The following ARHGEF25 variants were observed in gnomAD, a reference collection of about 807,000 sequenced individuals.
The protein encoded by ARHGEF25 is Rho guanine nucleotide exchange factor 25.
In ARHGEF25, 42 loss-of-function variants were observed where a neutral mutation model predicts 74.0. The ratio of observed to expected loss-of-function variants is 0.57; its 90% CI spans 0.44 to 0.73. ARHGEF25 has a LOEUF of 0.73. Ranked by LOEUF, ARHGEF25 falls within the 30% of genes least tolerant of loss-of-function variation. ARHGEF25 has a pLI of 0.00. For missense variants in ARHGEF25, 645 were observed against 725.5 expected (o/e 0.89, Z 1.27); for synonymous variants, 293 against 278.6 (o/e 1.05, Z -0.51).
Position 57,614,218 on chromosome 12 carries a change from G to C in ARHGEF25, c.656+99G>C. 1 of 1,582,922 alleles carries C rather than the reference G, an allele frequency of 6.3e-7. No individual in the cohort carries two copies. The highest frequency in any genetic ancestry group is 8.7e-7 in the Non-Finnish European group (1 of 1,152,734). The stretch of plus-strand genomic sequence containing the variant: ...CCCATTGCGACTTAAGGAATGTTTG[G>C]AGAAGTTTTGTAGGGCACACTACCA... On this transcript the variant is annotated intron_variant, in intron 6 of 14. Coordinates refer to ENST00000286494, the MANE Select transcript of ARHGEF25 (RefSeq NM_182947.4). The surrounding 1 kb of genome is among the most constrained non-coding windows in gnomAD (Gnocchi z 4.6).
In ARHGEF25 at chr12:57,611,534, A is replaced by G; in HGVS notation, c.-361A>G. Reference sequence around the variant, plus strand: ...CGGGCCTAGAGCCACCCCTAACCAGAGGCCGGAGACAGCTGGAGCGGCTGC... The same window carrying G: ...CGGGCCTAGAGCCACCCCTAACCAGGGGCCGGAGACAGCTGGAGCGGCTGC... On this transcript the variant is annotated 5_prime_UTR_variant, in exon 1 of 15. Transcript: ENST00000286494. The surrounding 1 kb of genome is among the most constrained non-coding windows in gnomAD (Gnocchi z 4.5). 2.0e-6 allele frequency: 2 copies of G among 987,736 alleles called. No homozygotes were observed. Among genetic ancestry groups the G allele is most frequent in the Non-Finnish European group, 2.4e-6 (2 of 831,926 alleles). 61.2% of individuals were successfully genotyped at this position (987,736 alleles called of 1,614,324 possible).
upstream of ARHGEF25, chr12:57,610,314 G>A: frequency 2.0e-6 from 3 of 1,519,260 alleles, no homozygotes; most frequent in South Asian, 1.2e-5. Flanking sequence ...GGGCAGGAGG[G>A]GGTAAGAATG....
At position 57,614,800 on chromosome 12, in the gene ARHGEF25, C is replaced by G. The variant is rs368309827; in HGVS notation, c.909+19C>G. On this transcript the variant is annotated intron_variant, in intron 9 of 14. Coordinates refer to ENST00000286494, the MANE Select transcript of ARHGEF25 (RefSeq NM_182947.4). The surrounding 1 kb of genome is among the most constrained non-coding windows in gnomAD (Gnocchi z 4.6). ...GCTCAAGGTCAGGACCCCCTTTTTCCTGGGGGCACAGCTGGCTGGCACAGC... is the reference window on the plus strand; with the variant it reads ...GCTCAAGGTCAGGACCCCCTTTTTCGTGGGGGCACAGCTGGCTGGCACAGC... 2,188 of 1,598,002 alleles carry G rather than the reference C, an allele frequency of 1.4e-3. 4 individuals are homozygous for G. The highest frequency in any genetic ancestry group is 1.7e-3 in the Non-Finnish European group (2,025 of 1,171,760).
intron 11 of ARHGEF25, 79 bp downstream of exon 11, chr12:57,615,393 G>A: frequency 3.2e-6 from 5 of 1,581,732 alleles, no homozygotes; most frequent in South Asian, 1.2e-5. Flanking sequence ...CTTATGGGGA[G>A]TTGTCTTCTC....
At chr12:57,616,130 C>T (rs1884276455) in intron 13 of ARHGEF25, 113 bp downstream of exon 13, 5 of 1,476,646 alleles carry the variant, frequency 3.4e-6, no homozygotes, top group Non-Finnish European at 4.6e-6. Context: ...TCCCCTTTTC[C>T]ACTGCTAGCT....
At position 57,616,342 on chromosome 12, in the gene ARHGEF25, G is replaced by T. The variant is rs745474842; in HGVS notation, c.1479G>T (p.Arg493=). The T allele has an allele frequency of 2.5e-6, 4 of 1,613,924 alleles. No individual in the cohort carries two copies. The highest frequency in any genetic ancestry group is 3.3e-5 in the Admixed American group (2 of 60,018). The part of the protein sequence containing the change: ...RRESQTNSLG[R]PRGPGVGSPG... Reference sequence around the variant, plus strand: ...AGAGCCAGACCAACAGCCTGGGGCGGCCAAGAGGGCCTGGAGTGGGGAGCC... The same window carrying T: ...AGAGCCAGACCAACAGCCTGGGGCGTCCAAGAGGGCCTGGAGTGGGGAGCC... The change falls in exon 14 of 15, where the codon CGG becomes CGT. Residue 493 remains arginine (R), a synonymous_variant. Transcript: ENST00000286494.
At chr12:57,612,815 G>A (rs1594958861) in intron 1 of ARHGEF25, 115 bp from the exon 2 acceptor site, 1 of 1,508,496 alleles carries the variant, frequency 6.6e-7, no homozygotes. Context: ...AAGAGAGTGA[G>A]CCCTTGGAGA....
At position 57,615,049 on chromosome 12, in the gene ARHGEF25, T is replaced by C. The variant is rs759645040; in HGVS notation, c.960+32T>C. On this transcript the variant is annotated intron_variant, in intron 10 of 14. Coordinates refer to ENST00000286494, the MANE Select transcript of ARHGEF25 (RefSeq NM_182947.4). ...ACCCCAGATCTTCCAGGACACACCA[T>C]GTGCTCCTTATCCTCCTAGTATCTC... 1.9e-6 allele frequency: 3 copies of C among 1,612,010 alleles called. No individual in the cohort carries two copies. In the African/African-American group the frequency reaches 4.0e-5, roughly 22 times the overall value.
rs1189502842 is a variant in ARHGEF25 at position 57,613,494 on chromosome 12, A to C, written c.463A>C (p.Lys155Gln). Residue 155 changes from lysine (K) to glutamine (Q), a missense_variant, in exon 4 of 15, where the codon AAG becomes CAG. By Grantham distance (53) the Lys-to-Gln change is moderately conservative. This residue lies in a region of ARHGEF25 where 189 missense variants were observed against 199.1 expected (regional missense o/e 0.95). Transcript: ENST00000286494. ...QAPESEEEQK[K>Q]KALERSMYVL... ...CCCTGAGAGTGAGGAGGAACAGAAGAAGAAGGCTCTGGAAAGGAGTATGTA... is the reference window on the plus strand; with the variant it reads ...CCCTGAGAGTGAGGAGGAACAGAAGCAGAAGGCTCTGGAAAGGAGTATGTA... 3 of 1,614,096 alleles carry C rather than the reference A, an allele frequency of 1.9e-6. No individual in the cohort carries two copies. In the Admixed American group the frequency reaches 5.0e-5, roughly 27 times the overall value.
chr12:57,615,183 T>A, intron 10 of ARHGEF25, 54 bp from the exon 11 acceptor site: 1 of 1,564,566 alleles, frequency 6.4e-7, no homozygotes. Context: ...GAGGCCTCTT[T>A]CCCAATAATG....
chr12:57,616,438 T>C lies in ARHGEF25; in HGVS notation c.1575T>C (p.Ser525=). The change falls in exon 14 of 15, where the codon TCT becomes TCC. Residue 525 remains serine (S), a synonymous_variant. Transcript: ENST00000286494. ...CACCCATCAATGGCTCTCTCCCCTC[T>C]CTGCTGCTGTCACCCAAAGGGGAGG... ...THTPINGSLP[S]LLLSPKGEVA... is the part of the protein sequence containing the mutation. The C allele has an allele frequency of 6.2e-7, 1 of 1,614,148 alleles. No homozygotes were observed. Among genetic ancestry groups the C allele is most frequent in the Non-Finnish European group, 8.5e-7 (1 of 1,180,016 alleles).
chr12:57,613,943 T>G, intron 5 of ARHGEF25, 73 bp from the exon 6 acceptor site: 1 of 1,526,500 alleles, frequency 6.6e-7, no homozygotes, highest in Non-Finnish European at 9.1e-7. Context: ...ACCCTGGATT[T>G]GTGTACAGGA....
chr12:57,612,178 A>C, intron 1 of ARHGEF25, 187 bp downstream of exon 1: 1 of 381,716 alleles, frequency 2.6e-6, no homozygotes, highest in East Asian at 4.1e-5. Context: ...TTAAGGAAAT[A>C]GGGGAAGGGG....
At chr12:57,613,990 A>G (rs1333285522) in intron 5 of ARHGEF25, 26 bp from the exon 6 acceptor site, 10 of 1,608,918 alleles carry the variant, frequency 6.2e-6, no homozygotes, top group Non-Finnish European at 7.7e-6. Context: ...CCACATGCTC[A>G]TGACCCAACC....
chr12:57,613,366 G>T lies in ARHGEF25; in HGVS notation c.408+7G>T, dbSNP rs141337782. ...CCCTGGAGATAAGACGCAGGTGTGA[G>T]GACAGGCTCTGGGGAGGCTCCTTTC... is the stretch of plus-strand genomic sequence containing the variant. On this transcript the variant is annotated splice_region_variant and intron_variant, in intron 3 of 14. Transcript: ENST00000286494. 1 of 1,614,236 alleles carries T rather than the reference G, an allele frequency of 6.2e-7. No homozygotes were observed. The highest frequency in any genetic ancestry group is 2.2e-5 in the East Asian group (1 of 44,886).
At position 57,615,940 on chromosome 12, in the gene ARHGEF25, C is replaced by G; in HGVS notation, c.1343C>G (p.Ala448Gly). ...EGGIQRYVLQ[A>G]ADPAISQAWI... ...GGGATCCAGCGCTATGTCCTGCAGG[C>G]TGCAGACCCTGCTATCAGTCAGGCC... The change falls in exon 13 of 15, where the codon GCT (alanine) becomes GGT (glycine). Residue 448 changes from alanine (A) to glycine (G), a missense_variant. Physicochemically the swap from Ala to Gly is moderately conservative, Grantham distance 60 (BLOSUM62 0). Transcript: ENST00000286494. The G allele has an allele frequency of 6.2e-7, 1 of 1,614,204 alleles. No homozygotes were observed. Among genetic ancestry groups the G allele is most frequent in the Non-Finnish European group, 8.5e-7 (1 of 1,180,032 alleles).
chr12:57,611,465 C>T lies in ARHGEF25; in HGVS notation c.-430C>T. 1.0e-6 allele frequency: 1 copy of T among 985,574 alleles called. No individual in the cohort carries two copies. The highest frequency in any genetic ancestry group is 1.2e-6 in the Non-Finnish European group (1 of 830,100). The allele number at this position is 985,574 out of a possible 1,614,324, so 61.1% of individuals were successfully genotyped here. On this transcript the variant is annotated 5_prime_UTR_variant, in exon 1 of 15. Coordinates refer to ENST00000286494, the MANE Select transcript of ARHGEF25 (RefSeq NM_182947.4). This position sits in a 1 kb window ranked among gnomAD's most constrained non-coding sequence, Gnocchi z 4.5. Reference sequence around the variant, plus strand: ...GCTCTCCGCTCCGCTGGGACCCGCACAGCGCCAGTGGCTCGGGGGTCGGCC... The same window carrying T: ...GCTCTCCGCTCCGCTGGGACCCGCATAGCGCCAGTGGCTCGGGGGTCGGCC...
At position 57,612,010 on chromosome 12, in the gene ARHGEF25, G is replaced by C. The variant is rs200354586; in HGVS notation, c.97+19G>C. ...GGACGTGGTGAGTGCCAGGTCGAGA[G>C]GGTCCAGTGTTGAGTGGGGGGCGGG... On this transcript the variant is annotated intron_variant, in intron 1 of 14. Coordinates refer to ENST00000286494, the MANE Select transcript of ARHGEF25 (RefSeq NM_182947.4). The C allele has an allele frequency of 2.3e-6, 3 of 1,304,432 alleles. No individual in the cohort carries two copies. The highest frequency in any genetic ancestry group is 3.1e-5 in the Admixed American group (1 of 32,500). 80.8% of individuals were successfully genotyped at this position (1,304,432 alleles called of 1,614,324 possible). A position where few individuals can be genotyped will look rare whatever the true frequency, so the allele number is the denominator to read the frequency against.
Position 57,611,620 on chromosome 12 carries a change from G to A in ARHGEF25, c.-275G>A. 1 of 1,038,894 alleles carries A rather than the reference G, an allele frequency of 9.6e-7. No individual in the cohort carries two copies. Among genetic ancestry groups the A allele is most frequent in the Non-Finnish European group, 1.2e-6 (1 of 864,710 alleles). The allele number at this position is 1,038,894 out of a possible 1,614,324, so 64.4% of individuals were successfully genotyped here. A position where few individuals can be genotyped will look rare whatever the true frequency, so the allele number is the denominator to read the frequency against. ...CCTTCCACTGGACATCTGGACCCTA[G>A]GCCCCCGCACCGACAGGGTTCCGGA... On this transcript the variant is annotated 5_prime_UTR_variant, in exon 1 of 15. Transcript: ENST00000286494. This position sits in a 1 kb window ranked among gnomAD's most constrained non-coding sequence, Gnocchi z 4.5.
Sources: allele counts gnomAD v4.1 joint callset, GRCh38; gene constraint gnomAD v4.1.1; regional missense constraint gnomAD v4.1.1; non-coding constraint Gnocchi (gnomAD v3.1); transcripts MANE v1.5; gene names NCBI Gene and HGNC (gene_info 2026-07-23, HGNC 2026-07-21).